Variants in TGM5 observed in about 807,000 individuals in gnomAD.
TGM5 encodes the protein transglutaminase 5.
TGM5 carries 69 observed loss-of-function variants against 77.2 expected under a neutral mutation model. The observed-to-expected ratio is 0.89, with a 90% CI of 0.74 to 1.09. The LOEUF is 1.09. TGM5 is among the 50% of genes least tolerant of loss of function. The pLI is 0.00. For missense variants in TGM5, 842 were observed against 896.5 expected, an observed-to-expected ratio of 0.94 and a Z score of 0.78; for synonymous variants, 346 against 351.8, an observed-to-expected ratio of 0.98 and a Z score of 0.18.
intron 9 of TGM5, 79 bp from the exon 10 acceptor site, chr15:43,235,916 C>A: frequency 6.3e-7 from 1 of 1,586,208 alleles, no homozygotes; most frequent in South Asian, 1.1e-5. Context: ...ATCCCCCACC[C>A]AATATCTCCA....
rs2042615947 is a variant in TGM5, at chr15:43,239,215, A to C, written c.1053T>G (p.Pro351=). The change falls in exon 8 of 13, where the codon CCT becomes CCG. Residue 351 remains proline, a synonymous_variant. Coordinates refer to ENST00000220420, the MANE Select transcript of TGM5 (RefSeq NM_201631.4). ...CCAGCACCTGCCAGCCTCCATATGCAGGGGGCAGATCCTTCCGGGCCATCC... is the reference window on the plus strand; with the variant it reads ...CCAGCACCTGCCAGCCTCCATATGCCGGGGGCAGATCCTTCCGGGCCATCC... ...ECWMARKDLP[P]AYGGWQVLDA... 6.2e-7 allele frequency: 1 copy of C among 1,614,006 alleles called. No homozygotes were observed. Among genetic ancestry groups the C allele is most frequent in the Admixed American group, 1.7e-5 (1 of 59,990 alleles).
At chr15:43,248,640 G>A (rs1262258653) in intron 6 of TGM5, among the ~76,000 whole-genome samples, 3 of 152,158 alleles carry the variant, frequency 2.0e-5, no homozygotes, top group African/African-American at 7.2e-5. Context: ...GGAACATTCC[G>A]TACTATCTTA....
chr15:43,263,567 T>C (rs1228824670), intron 1 of TGM5, among the ~76,000 whole-genome samples: 1 of 152,010 alleles, frequency 6.6e-6, no homozygotes, highest in Non-Finnish European at 1.5e-5. Flanking sequence ...GGGGAAAGAA[T>C]GCTCTTTTCA....
rs371711595 is a variant in TGM5, at chr15:43,253,492, G to A, written c.684+14C>T. The A allele has an allele frequency of 5.0e-5, 81 of 1,609,772 alleles. No individual in the cohort carries two copies. In the African/African-American group the frequency reaches 5.1e-4, roughly 10 times the overall value. On this transcript the variant is annotated intron_variant, in intron 5 of 12. Coordinates refer to ENST00000220420, the MANE Select transcript of TGM5 (RefSeq NM_201631.4). ...CACAGCTTCCTCCCTCCCCGGGCAC[G>A]CCAGGGACCTCACCATGGCACACAC...
At chr15:43,235,877 C>G (rs1490021551) in intron 9 of TGM5, 40 bp from the exon 10 acceptor site, 1 of 1,610,700 alleles carries the variant, frequency 6.2e-7, no homozygotes, top group Admixed American at 1.7e-5. Flanking sequence ...GTGAGCCAGG[C>G]TGACCGGGGT....
chr15:43,235,612 C>T lies in TGM5; in HGVS notation c.1571G>A (p.Cys524Tyr). Reference protein sequence around the residue: ...LDPPNMGQDICFVLLALNMSS... With the variant: ...LDPPNMGQDIYFVLLALNMSS... Reference sequence around the variant, plus strand: ...CATGTTGAGGGCCAGCAGGACAAAGCATATATCCTGGCCCATGTTGGGCGG... The same window carrying T: ...CATGTTGAGGGCCAGCAGGACAAAGTATATATCCTGGCCCATGTTGGGCGG... The change falls in exon 10 of 13, where the codon TGC becomes TAC. Residue 524 changes from cysteine to tyrosine, a missense_variant. Cys to Tyr is a radical substitution (Grantham distance 194). This residue lies in a region of TGM5 where 815 missense variants were observed against 844.6 expected (regional missense o/e 0.96). Coordinates refer to ENST00000220420, the MANE Select transcript of TGM5 (RefSeq NM_201631.4). The T allele has an allele frequency of 6.2e-7, 1 of 1,614,186 alleles. No individual in the cohort carries two copies. Among genetic ancestry groups the T allele is most frequent in the South Asian group, 1.1e-5 (1 of 91,088 alleles).
At position 43,238,972 on chromosome 15, in the gene TGM5, G is replaced by T. The variant is rs764448893; in HGVS notation, c.1190C>A (p.Ser397Ter). The T allele has an allele frequency of 1.2e-6, 2 of 1,614,158 alleles. No homozygotes were observed. The highest frequency in any genetic ancestry group is 3.3e-5 in the Admixed American group (2 of 60,028). Reference protein sequence around the residue: ...DLNYDTPFVFSMVNADCMSWL... With the variant: ...DLNYDTPFVF ...GGACATGCAGTCAGCATTCACCATC[G>T]AAAACACAAAGGGCGTGTCATAGTT... Residue 397 changes from serine (S) to a stop codon, truncating the protein, a stop_gained, in exon 9 of 13, where the codon TCG becomes TAG. Coordinates refer to ENST00000220420, the MANE Select transcript of TGM5 (RefSeq NM_201631.4). LOFTEE classifies it high-confidence loss of function.
Position 43,238,702 on chromosome 15 carries a change from C to T in TGM5, c.1345+115G>A, listed in dbSNP as rs2042608895. On this transcript the variant is annotated intron_variant, in intron 9 of 12. Coordinates refer to ENST00000220420, the MANE Select transcript of TGM5 (RefSeq NM_201631.4). ...CCCCAACTGGGGCCTCAAAACTGAA[C>T]AGCTGAGGAGACAGTGGGGCTGGGT... 9 of 1,501,936 alleles carry T rather than the reference C, an allele frequency of 6.0e-6. No homozygotes were observed. In the South Asian group the frequency reaches 9.6e-5, roughly 16 times the overall value. The allele number at this position is 1,501,936 out of a possible 1,614,324, so 93.0% of individuals were successfully genotyped here. A position where few individuals can be genotyped will look rare whatever the true frequency, so the allele number is the denominator to read the frequency against.
Position 43,237,549 on chromosome 15 carries a change from C to CT in TGM5, c.1345+1267dup, listed in dbSNP as rs557226889. Among the ~76,000 whole-genome samples the CT allele has an allele frequency of 4.3e-3, 621 of 145,398 alleles. 1 individual carries two copies. Among genetic ancestry groups the CT allele is most frequent in the African/African-American group, 7.8e-3 (310 of 39,890 alleles). On this transcript the variant is annotated intron_variant, in intron 9 of 12. Transcript: ENST00000220420. Reference sequence around the variant, plus strand: ...TAAACAACAAATAATTTGGGACAGCCTTTTTTTTTTTTGTTTAGAAATGAG... The same window carrying CT: ...TAAACAACAAATAATTTGGGACAGCCTTTTTTTTTTTTTGTTTAGAAATGAG...
rs2042772895 is a variant in TGM5, at chr15:43,260,045, G to A, written c.436+7C>T. On this transcript the variant is annotated splice_region_variant and intron_variant, in intron 3 of 12. Transcript: ENST00000220420. ...AAGGAGGGCACCGCCTGGGCACCCA[G>A]CCTTACCTGGGCACCAGGGATTGAA... 19 of 1,613,306 alleles carry A rather than the reference G, an allele frequency of 1.2e-5. No homozygotes were observed. Among genetic ancestry groups the A allele is most frequent in the Non-Finnish European group, 1.5e-5 (18 of 1,180,010 alleles).
Position 43,260,032 on chromosome 15 carries a change from G to A in TGM5, c.436+20C>T, listed in dbSNP as rs376783231. 3 of 1,612,594 alleles carry A rather than the reference G, an allele frequency of 1.9e-6. No individual in the cohort carries two copies. The highest frequency in any genetic ancestry group is 2.7e-5 in the African/African-American group (2 of 74,892). ...CTGACAGAAGAGAAAGGAGGGCACC[G>A]CCTGGGCACCCAGCCTTACCTGGGC... On this transcript the variant is annotated intron_variant, in intron 3 of 12. Coordinates refer to ENST00000220420, the MANE Select transcript of TGM5 (RefSeq NM_201631.4).
chr15:43,256,404 C>T (rs1051458761), intron 4 of TGM5, among the ~76,000 whole-genome samples, 164 bp downstream of exon 4: 17 of 152,210 alleles, frequency 1.1e-4, no homozygotes, highest in Admixed American at 2.6e-4. Context: ...GGCCCTCCCA[C>T]TCCCTATGGC....
chr15:43,253,510 GCA>G lies in TGM5; in HGVS notation c.678_679del (p.Ala227HisfsTer6). On this transcript the variant is annotated frameshift_variant, in exon 5 of 13. Coordinates refer to ENST00000220420, the MANE Select transcript of TGM5 (RefSeq NM_201631.4). LOFTEE classifies it high-confidence loss of function. ...CGGGCACGCCAGGGACCTCACCATG[GCA>G]CACACCACTCTGCTGACGTAGACGG... is the stretch of plus-strand genomic sequence containing the variant. 1 of 1,611,870 alleles carries G rather than the reference GCA, an allele frequency of 6.2e-7. No homozygotes were observed. Among genetic ancestry groups the G allele is most frequent in the Non-Finnish European group, 8.5e-7 (1 of 1,180,002 alleles).
chr15:43,260,257 G>C lies in TGM5; in HGVS notation c.231C>G (p.Phe77Leu). ...PDLALGTRAV[F>L]SLARHHSPSP... ...TGGGGCTGTGATGGCGTGCCAGGCT[G>C]AACACAGCCCGAGTCCCCAAGGCCA... is the stretch of plus-strand genomic sequence containing the variant. Residue 77 changes from phenylalanine to leucine, a missense_variant, in exon 3 of 13, where the codon TTC (phenylalanine) becomes TTG (leucine). Phe to Leu is a conservative substitution (Grantham distance 22). Coordinates refer to ENST00000220420, the MANE Select transcript of TGM5 (RefSeq NM_201631.4). 6.2e-7 allele frequency: 1 copy of C among 1,613,954 alleles called. No individual in the cohort carries two copies. Among genetic ancestry groups the C allele is most frequent in the Non-Finnish European group, 8.5e-7 (1 of 1,180,020 alleles).
chr15:43,245,899 T>TGGG (rs34700701), intron 6 of TGM5, among the ~76,000 whole-genome samples: 1 of 109,612 alleles, frequency 9.1e-6, no homozygotes, highest in Non-Finnish European at 1.9e-5. Flanking sequence ...GTGTGTGTGT[T>TGGG]GGGGGGGGGG....
chr15:43,261,469 C>G (rs2042790308), intron 1 of TGM5, among the ~76,000 whole-genome samples: 1 of 152,196 alleles, frequency 6.6e-6, no homozygotes, highest in Admixed American at 6.5e-5. Context: ...AGCTTGGATG[C>G]TGACAACAGT....
chr15:43,261,084 T>TTTTGTTTTTTG (rs1596452338), intron 1 of TGM5, among the ~76,000 whole-genome samples: 1 of 95,240 alleles, frequency 1.0e-5, no homozygotes, highest in Admixed American at 1.1e-4. Context: ...GTGTTTTTTT[T>TTTTGTTTTTTG]TTTTTTTTTT....
chr15:43,243,023 G>A (rs2042648152), intron 6 of TGM5, among the ~76,000 whole-genome samples: 1 of 152,176 alleles, frequency 6.6e-6, no homozygotes, highest in African/African-American at 2.4e-5. Context: ...GAGTTCATGA[G>A]TGGCCACCTG....
At chr15:43,247,844 C>T (rs1401813135) in intron 6 of TGM5, 1 of 152,014 alleles carries the variant, frequency 6.6e-6, no homozygotes, top group Non-Finnish European at 1.5e-5. Context: ...TAGATGAAAC[C>T]AAAACCATAC....
Sources: allele counts gnomAD v4.1 joint callset (sites outside exome capture counted in the v4.1 genomes callset), GRCh38; gene constraint gnomAD v4.1.1; regional missense constraint gnomAD v4.1.1; transcripts MANE v1.5; gene names NCBI Gene and HGNC (gene_info 2026-07-23, HGNC 2026-07-21).